Variants in ZFHX3 observed in about 807,000 individuals in gnomAD.
The protein encoded by ZFHX3 is zinc finger homeobox protein 3.
A neutral mutation model predicts 279.1 loss-of-function variants in ZFHX3; 42 were observed. The ratio of observed to expected loss-of-function variants is 0.15; its 90% confidence interval spans 0.12 to 0.19. The LOEUF (loss-of-function observed/expected upper bound fraction) is 0.19, where lower values mean the gene tolerates loss of function less well. Among genes scored for constraint, ZFHX3 ranks in the 10% least tolerant of loss-of-function variants. The pLI is 1.00. For synonymous variants in ZFHX3, 2,293 were observed against 1,957.8 expected (o/e 1.17, Z -4.52); for missense variants, 4,981 against 4,754.0 (o/e 1.05, Z -1.40).
intron 1 of ZFHX3, among the ~76,000 whole-genome samples, chr16:73,889,555 C>G (rs1220368322): frequency 6.6e-6 from 1 of 152,178 alleles, no homozygotes; most frequent in Non-Finnish European, 1.5e-5. Context: ...CTTAGGAAAA[C>G]TTAGGGTGAA....
At chr16:73,340,072 T>C (rs1448592892) in intron 3 of ZFHX3, among the ~76,000 whole-genome samples, 2 of 152,178 alleles carry the variant, frequency 1.3e-5, no homozygotes, top group Non-Finnish European at 2.9e-5. Context: ...AGTAGAACTC[T>C]GGGATCAGGG....
chr16:73,686,651 G>C (rs1267553002), intron 1 of ZFHX3, among the ~76,000 whole-genome samples: 1 of 152,134 alleles, frequency 6.6e-6, no homozygotes, highest in Non-Finnish European at 1.5e-5. Flanking sequence ...CACGCAGGCT[G>C]TATTCCCTCT....
intron 3 of ZFHX3, among the ~76,000 whole-genome samples, chr16:73,372,941 A>T (rs2016657286): frequency 6.6e-6 from 1 of 152,188 alleles, no homozygotes; most frequent in Non-Finnish European, 1.5e-5. Context: ...GGCTAAAATA[A>T]ATAACAGTCC....
intron 1 of ZFHX3, among the ~76,000 whole-genome samples, chr16:72,984,084 G>T (rs142275782): frequency 1.3e-5 from 2 of 152,218 alleles, no homozygotes; most frequent in Non-Finnish European, 2.9e-5. Context: ...ACCTGCTCAC[G>T]CTCCTTCAAG....
intron 5 of ZFHX3, among the ~76,000 whole-genome samples, chr16:72,827,668 C>A (rs1426627150): frequency 6.6e-6 from 1 of 152,178 alleles, no homozygotes; most frequent in Admixed American, 6.5e-5. Context: ...CAGGCAAAGC[C>A]CCACAGGAGG....
intron 1 of ZFHX3, among the ~76,000 whole-genome samples, chr16:73,715,101 T>A (rs1368848175): frequency 6.6e-6 from 1 of 152,170 alleles, no homozygotes; most frequent in Non-Finnish European, 1.5e-5. Context: ...CGGGTCAAGC[T>A]GGATGACTAG....
intron 1 of ZFHX3, among the ~76,000 whole-genome samples, chr16:73,001,595 T>G (rs964373143): frequency 5.3e-5 from 8 of 151,958 alleles, no homozygotes; most frequent in Non-Finnish European, 1.2e-4. Context: ...AGAGGATCAC[T>G]TCAGCTCAGA....
rs146566841 is a variant in ZFHX3, at chr16:72,796,909, C to T, written c.5773G>A (p.Gly1925Ser). 3 of 1,613,894 alleles carry T rather than the reference C, an allele frequency of 1.9e-6. No individual in the cohort carries two copies. The highest frequency in any genetic ancestry group is 2.2e-5 in the East Asian group (1 of 44,830). ...GGGAGCATGGAAGGCTCAGAACCAC[C>T]CCCTGGTGCCAACTCTTTCTTCTCT... ...AKEKKELAPG[G>S]GSEPSMLPPR... Residue 1925 changes from glycine to serine, a missense_variant, in exon 9 of 10, where the codon GGT (glycine) becomes AGT (serine). By Grantham distance (56) the Gly-to-Ser change is moderately conservative. This residue lies in a region of ZFHX3 where 1,751 missense variants were observed against 1,770.0 expected (regional missense o/e 0.99). Coordinates refer to ENST00000268489, the MANE Select transcript of ZFHX3 (RefSeq NM_006885.4).
At chr16:73,236,163 G>A (rs2012942416) in intron 5 of ZFHX3, among the ~76,000 whole-genome samples, 1 of 152,190 alleles carries the variant, frequency 6.6e-6, no homozygotes, top group African/African-American at 2.4e-5. Context: ...TACGTCAAGG[G>A]AGTATGTGTT....
chr16:73,742,512 A>T (rs1158217925), intron 1 of ZFHX3, among the ~76,000 whole-genome samples: 25 of 152,202 alleles, frequency 1.6e-4, no homozygotes, highest in Non-Finnish European at 4.4e-5. Context: ...CAGGGCAAAT[A>T]TTCCAAATTG....
At chr16:72,875,611 T>A (rs890282019) in intron 4 of ZFHX3, among the ~76,000 whole-genome samples, 1 of 152,118 alleles carries the variant, frequency 6.6e-6, no homozygotes, top group African/African-American at 2.4e-5. Context: ...ATTCCGCCCA[T>A]AAAAATGCTG....
intron 1 of ZFHX3, among the ~76,000 whole-genome samples, chr16:73,025,753 C>T (rs548495335): frequency 1.3e-5 from 2 of 152,230 alleles, no homozygotes; most frequent in Admixed American, 6.5e-5. Flanking sequence ...CAGGAAAAGG[C>T]CTGCTCTCCC....
chr16:73,055,636 A>T (rs1199501734), intron 1 of ZFHX3, among the ~76,000 whole-genome samples: 1 of 151,766 alleles, frequency 6.6e-6, no homozygotes, highest in Non-Finnish European at 1.5e-5. Context: ...GTGCATATGC[A>T]TCCAGACTCC....
chr16:73,470,717 G>A (rs908232673), intron 2 of ZFHX3, among the ~76,000 whole-genome samples: 8 of 152,230 alleles, frequency 5.3e-5, no homozygotes, highest in South Asian at 2.1e-4. Context: ...CATTTTCAGC[G>A]TGGCACACAG....
intron 5 of ZFHX3, among the ~76,000 whole-genome samples, chr16:73,208,745 C>G (rs920161376): frequency 1.3e-5 from 2 of 152,080 alleles, no homozygotes; most frequent in Non-Finnish European, 1.5e-5. Context: ...CTGTACTTCC[C>G]CCAAGCCATG....
intron 2 of ZFHX3, among the ~76,000 whole-genome samples, chr16:73,575,784 C>T (rs1001407010): frequency 6.6e-6 from 1 of 152,150 alleles, no homozygotes; most frequent in Non-Finnish European, 1.5e-5. Context: ...CTGTTAGGTT[C>T]AGCAGGCAGA....
At chr16:73,437,444 G>T (rs777574333) in intron 3 of ZFHX3, among the ~76,000 whole-genome samples, 1 of 151,912 alleles carries the variant, frequency 6.6e-6, no homozygotes, top group Non-Finnish European at 1.5e-5. Context: ...ATGTTATTGT[G>T]GTGGGAAATT....
chr16:73,371,412 T>G (rs2016627113), intron 3 of ZFHX3, among the ~76,000 whole-genome samples: 1 of 151,810 alleles, frequency 6.6e-6, no homozygotes. Flanking sequence ...TGAGACAGAG[T>G]CTCGCCCTAT....
chr16:73,093,377 T>G (rs1966114056), exon 8 of ZFHX3: 2 of 424,730 alleles, frequency 4.7e-6, no homozygotes, highest in African/African-American at 4.1e-5. Flanking sequence ...GGGACGACCC[T>G]GAAAAAGTCT....
Sources: gnomAD v4.1 joint callset for allele counts (sites outside exome capture counted in the v4.1 genomes callset) on GRCh38, gnomAD v4.1.1 for gene constraint, gnomAD v4.1.1 regional missense constraint, MANE v1.5 for transcripts, NCBI Gene and HGNC (gene_info 2026-07-23, HGNC 2026-07-21) for gene names.